Variants in ELOVL6 observed in about 807,000 individuals in gnomAD.
ELOVL6 encodes the protein very long chain fatty acid elongase 6.
ELOVL6 carries 8 observed loss-of-function variants against 31.7 expected under a neutral mutation model. That is an observed-to-expected ratio of 0.25 (90% CI 0.15 to 0.45). ELOVL6 has a LOEUF of 0.45. ELOVL6 is among the 20% of genes least tolerant of loss of function. The pLI is 1.00. For synonymous variants in ELOVL6, 101 were observed against 117.7 expected, an observed-to-expected ratio of 0.86 and a Z score of 0.92; for missense variants, 126 against 326.4, an observed-to-expected ratio of 0.39 and a Z score of 4.73.
intron 1 of ELOVL6, among the ~76,000 whole-genome samples, chr4:110,174,426 CAAGTGCTGAAATT>C (rs139119096): frequency 6.6e-6 from 1 of 152,230 alleles, no homozygotes; most frequent in Non-Finnish European, 1.5e-5. Context: ...TTGGCCTCCC[CAAGTGCTGAAATT>C]ACAGGTGTGA....
intron 1 of ELOVL6, among the ~76,000 whole-genome samples, chr4:110,158,566 T>C (rs1206607586): frequency 6.8e-6 from 1 of 147,558 alleles, no homozygotes; most frequent in Non-Finnish European, 1.5e-5. Context: ...GAGATATATA[T>C]ATACATCTAT....
chr4:110,191,259 T>G (rs1347150103), intron 1 of ELOVL6, among the ~76,000 whole-genome samples: 1 of 152,200 alleles, frequency 6.6e-6, no homozygotes, highest in African/African-American at 2.4e-5. Context: ...CCTGAATACA[T>G]GTACAATCAG....
At chr4:110,134,678 G>A (rs2126258803) in intron 1 of ELOVL6, among the ~76,000 whole-genome samples, 1 of 152,246 alleles carries the variant, frequency 6.6e-6, no homozygotes, top group South Asian at 2.1e-4. Context: ...GGGATGATGT[G>A]AACTGGGTGT....
chr4:110,094,437 A>ATG (rs1756515521), intron 2 of ELOVL6, among the ~76,000 whole-genome samples: 2 of 65,298 alleles, frequency 3.1e-5, no homozygotes, highest in African/African-American at 7.7e-5. Context: ...ATATATATAT[A>ATG]TATATAATAT....
chr4:110,064,654 G>T lies in ELOVL6; in HGVS notation c.222-4900C>A, dbSNP rs529403581. On this transcript the variant is annotated intron_variant, in intron 2 of 3. Transcript: ENST00000302274. Reference sequence around the variant, plus strand: ...ACTATTTTTAATCAAGCACATATTAGAAATTTTTTTTTTAATGAAAATGGG... The same window carrying T: ...ACTATTTTTAATCAAGCACATATTATAAATTTTTTTTTTAATGAAAATGGG... Among the ~76,000 whole-genome samples the T allele has an allele frequency of 2.6e-5, 4 of 151,936 alleles. No homozygotes were observed. In the South Asian group the frequency reaches 8.3e-4, roughly 32 times the overall value.
At chr4:110,190,130 A>C (rs1759570911) in intron 1 of ELOVL6, among the ~76,000 whole-genome samples, 1 of 152,162 alleles carries the variant, frequency 6.6e-6, no homozygotes, top group African/African-American at 2.4e-5. Context: ...GAATCCCTGT[A>C]AATAAAAGTA....
At chr4:110,178,846 A>G (rs190378931) in intron 1 of ELOVL6, among the ~76,000 whole-genome samples, 14 of 152,284 alleles carry the variant, frequency 9.2e-5, no homozygotes, top group African/African-American at 2.9e-4. Context: ...AAACAAAAAC[A>G]TAAAGATGGA....
At chr4:110,157,191 C>A (rs190711349) in intron 1 of ELOVL6, among the ~76,000 whole-genome samples, 1 of 152,274 alleles carries the variant, frequency 6.6e-6, no homozygotes, top group African/African-American at 2.4e-5. Flanking sequence ...CAAGTAACCA[C>A]AAACTTCATT....
chr4:110,094,404 AATAT>A (rs1167924305), intron 2 of ELOVL6, among the ~76,000 whole-genome samples: 6 of 55,576 alleles, frequency 1.1e-4, no homozygotes, highest in African/African-American at 4.3e-4. Flanking sequence ...CTTAAAAAGA[AATAT>A]ATATATATAT....
chr4:110,187,377 C>T lies in ELOVL6; in HGVS notation c.89+10870G>A, dbSNP rs77592421. 4.2e-3 allele frequency among the ~76,000 whole-genome samples: 637 copies of T among 150,160 alleles called. 2 individuals carry two copies. Among genetic ancestry groups the T allele is most frequent in the African/African-American group, 0.015 (614 of 40,826 alleles). ...GAGTTACTATGTAGCAAACAGTAAGCAGAGAAAAAGCATATAACCTAACTG... is the reference window on the plus strand; with the variant it reads ...GAGTTACTATGTAGCAAACAGTAAGTAGAGAAAAAGCATATAACCTAACTG... On this transcript the variant is annotated intron_variant, in intron 1 of 3. Transcript: ENST00000302274.
intron 2 of ELOVL6, among the ~76,000 whole-genome samples, chr4:110,083,943 TAA>T (rs1755973714): frequency 1.1e-4 from 1 of 9,464 alleles, no homozygotes. Flanking sequence ...GAGATATATA[TAA>T]CATGTTATAT....
At chr4:110,166,344 G>T (rs2126271404) in intron 1 of ELOVL6, among the ~76,000 whole-genome samples, 1 of 152,234 alleles carries the variant, frequency 6.6e-6, no homozygotes, top group African/African-American at 2.4e-5. Context: ...CAGGCGCGGT[G>T]GCTCACGCCT....
At chr4:110,082,091 G>A (rs376376605) in intron 2 of ELOVL6, among the ~76,000 whole-genome samples, 18,769 of 124,846 alleles carry the variant, frequency 0.15, 2,015 homozygotes, top group South Asian at 0.21. Flanking sequence ...AAGTCAGGAA[G>A]CAACAGGTGC....
intron 1 of ELOVL6, chr4:110,146,320 G>A (rs985572428): frequency 3.9e-5 from 6 of 152,174 alleles, no homozygotes; most frequent in African/African-American, 1.2e-4. Flanking sequence ...TGGATACCAT[G>A]TACAAAAATT....
chr4:110,108,685 A>G (rs1756952450), intron 1 of ELOVL6, among the ~76,000 whole-genome samples: 1 of 152,250 alleles, frequency 6.6e-6, no homozygotes, highest in Non-Finnish European at 1.5e-5. Context: ...ACACTGGTCA[A>G]GACTATCCAA....
intron 1 of ELOVL6, among the ~76,000 whole-genome samples, chr4:110,133,044 G>A (rs898445603): frequency 5.3e-5 from 8 of 152,080 alleles, no homozygotes; most frequent in Non-Finnish European, 1.2e-4. Context: ...GGGGAATATC[G>A]AAGGTCAATA....
rs1759117362 is a variant in ELOVL6, at chr4:110,176,747, T to C, written c.89+21500A>G. On this transcript the variant is annotated intron_variant, in intron 1 of 3. Coordinates refer to ENST00000302274, the MANE Select transcript of ELOVL6 (RefSeq NM_024090.3). The stretch of plus-strand genomic sequence containing the variant: ...TCACTCTCTTTGTCATTCTTTGTCA[T>C]TATTTTTGAGATGGAGTTTCATTCT... Among the ~76,000 whole-genome samples, 8 of 152,320 alleles carry C rather than the reference T, an allele frequency of 5.3e-5. No homozygotes were observed. The South Asian group carries it at 1.5e-3, about 28-fold the overall frequency.
intron 1 of ELOVL6, among the ~76,000 whole-genome samples, chr4:110,137,808 C>G (rs1391599248): frequency 6.6e-6 from 1 of 152,210 alleles, no homozygotes; most frequent in African/African-American, 2.4e-5. Flanking sequence ...AGCCATCTAG[C>G]TTCATGGGCT....
chr4:110,064,236 G>A (rs73839521), intron 2 of ELOVL6, among the ~76,000 whole-genome samples: 11,442 of 150,790 alleles, frequency 0.076, 914 homozygotes, highest in African/African-American at 0.21. Context: ...ATGCAGCAAG[G>A]CGATGAGGAG....
Sources: allele counts gnomAD v4.1 joint callset (sites outside exome capture counted in the v4.1 genomes callset), GRCh38; gene constraint gnomAD v4.1.1; transcripts MANE v1.5; gene names NCBI Gene and HGNC (gene_info 2026-07-23, HGNC 2026-07-21).